LRMDA: variants seen among roughly 807,000 people sequenced by gnomAD.
The protein encoded by LRMDA is leucine rich melanocyte differentiation associated, also known as leucine-rich melanocyte differentiation-associated protein.
A neutral mutation model predicts 29.8 loss-of-function variants in LRMDA; 18 were observed. The ratio of observed to expected loss-of-function variants is 0.60; its 90% CI spans 0.42 to 0.90. LRMDA has a LOEUF of 0.90. Ranked by LOEUF, LRMDA falls within the 40% of genes least tolerant of loss-of-function variation. LRMDA has a pLI of 0.00. For synonymous variants in LRMDA, 125 were observed against 109.4 expected (o/e 1.14, Z -0.89); for missense variants, 273 against 273.9 (o/e 1.00, Z 0.02).
At chr10:75,822,105 C>T (rs939565551) in intron 2 of LRMDA, among the ~76,000 whole-genome samples, 7 of 152,020 alleles carry the variant, frequency 4.6e-5, no homozygotes, top group African/African-American at 1.4e-4. Flanking sequence ...GAAAAGACTC[C>T]TAGACTTCAG....
chr10:76,025,448 T>C (rs1313926324), intron 2 of LRMDA, among the ~76,000 whole-genome samples: 3 of 151,782 alleles, frequency 2.0e-5, no homozygotes, highest in African/African-American at 7.3e-5. Context: ...TCCATGCTGC[T>C]TACTGATACG....
intron 5 of LRMDA, among the ~76,000 whole-genome samples, chr10:76,168,190 T>A (rs1359377275): frequency 6.6e-6 from 1 of 152,216 alleles, no homozygotes; most frequent in African/African-American, 2.4e-5. Flanking sequence ...TTTTGCTGAC[T>A]TGTTAGCCAC....
At chr10:75,685,807 G>A (rs895806781) in intron 2 of LRMDA, among the ~76,000 whole-genome samples, 3 of 152,070 alleles carry the variant, frequency 2.0e-5, no homozygotes, top group South Asian at 4.1e-4. Flanking sequence ...TATGGGATAT[G>A]GAAAACAAAG....
At chr10:75,654,452 A>C (rs1841641705) in intron 2 of LRMDA, among the ~76,000 whole-genome samples, 1 of 152,206 alleles carries the variant, frequency 6.6e-6, no homozygotes, top group Non-Finnish European at 1.5e-5. Flanking sequence ...TACAAATGGG[A>C]GGATGGAGGC....
chr10:75,442,990 G>C, intron 2 of LRMDA, among the ~76,000 whole-genome samples: 1 of 151,888 alleles, frequency 6.6e-6, no homozygotes, highest in Non-Finnish European at 1.5e-5. Context: ...TATTGTAAAT[G>C]GGATTAAGTT....
At chr10:75,976,742 A>T (rs1847078397) in intron 2 of LRMDA, among the ~76,000 whole-genome samples, 1 of 152,218 alleles carries the variant, frequency 6.6e-6, no homozygotes, top group East Asian at 1.9e-4. Context: ...ACTGATGAGG[A>T]AACTGAGGTA....
chr10:76,248,056 G>A (rs1852407521), intron 5 of LRMDA, among the ~76,000 whole-genome samples: 1 of 152,128 alleles, frequency 6.6e-6, no homozygotes, highest in Non-Finnish European at 1.5e-5. Context: ...ATTGGAAAAC[G>A]TGTGGCCTGC....
chr10:75,746,993 C>T (rs949751310), intron 2 of LRMDA, among the ~76,000 whole-genome samples: 3 of 151,934 alleles, frequency 2.0e-5, no homozygotes, highest in East Asian at 1.9e-4. Flanking sequence ...ATGATTTAAC[C>T]GTGGTTCTGA....
intron 5 of LRMDA, among the ~76,000 whole-genome samples, chr10:76,153,050 A>G (rs914588201): frequency 7.9e-5 from 12 of 152,076 alleles, no homozygotes; most frequent in African/African-American, 2.2e-4. Flanking sequence ...CATGTTGGTC[A>G]TGCTGGTCTC....
intron 2 of LRMDA, among the ~76,000 whole-genome samples, chr10:75,775,592 G>T (rs1365190277): frequency 6.6e-6 from 1 of 152,150 alleles, no homozygotes; most frequent in African/African-American, 2.4e-5. Context: ...TGGTCCAGTG[G>T]TCCCCCGAAC....
intron 5 of LRMDA, among the ~76,000 whole-genome samples, chr10:76,213,753 T>A (rs1851676128): frequency 6.6e-6 from 1 of 152,216 alleles, no homozygotes; most frequent in African/African-American, 2.4e-5. Flanking sequence ...CTCCAGGAGG[T>A]TGCCAAGAAA....
chr10:76,090,539 A>G (rs1303551366), intron 5 of LRMDA, among the ~76,000 whole-genome samples: 1 of 152,206 alleles, frequency 6.6e-6, no homozygotes, highest in Non-Finnish European at 1.5e-5. Flanking sequence ...TGTATACCCC[A>G]AAGAGTTGAA....
In LRMDA at chr10:75,806,809, C is replaced by CAAA. The variant is rs56657815; in HGVS notation, c.132-229183_132-229181dup. Among the ~76,000 whole-genome samples, 464 of 77,274 alleles carry CAAA rather than the reference C, an allele frequency of 6.0e-3. 4 individuals carry two copies. The highest frequency in any genetic ancestry group is 0.015 in the African/African-American group (399 of 25,894). 50.7% of individuals were successfully genotyped at this position (77,274 alleles called of 152,430 possible). ...GATTTATTTTAAACACTGGAAATTG[C>CAAA]AAAAAAAAAAAAAAAAAACCACACA... is the stretch of plus-strand genomic sequence containing the variant. On this transcript the variant is annotated intron_variant, in intron 2 of 6. Transcript: ENST00000611255.
chr10:75,650,722 A>C (rs1374993461), intron 2 of LRMDA, among the ~76,000 whole-genome samples: 2 of 152,148 alleles, frequency 1.3e-5, no homozygotes, highest in African/African-American at 4.8e-5. Flanking sequence ...AAAGGGAGGG[A>C]GGGCCCTTTT....
intron 5 of LRMDA, among the ~76,000 whole-genome samples, chr10:76,168,487 A>T (rs909255259): frequency 1.3e-5 from 2 of 152,180 alleles, no homozygotes; most frequent in African/African-American, 4.8e-5. Flanking sequence ...GTTTTGAACA[A>T]CTTTGCTCAA....
intron 2 of LRMDA, among the ~76,000 whole-genome samples, chr10:75,476,018 T>C (rs2132049349): frequency 6.6e-6 from 1 of 152,290 alleles, no homozygotes; most frequent in Non-Finnish European, 1.5e-5. Flanking sequence ...CTTTCACAAT[T>C]TGCAAACATT....
At chr10:75,479,110 T>G (rs1166519045) in intron 2 of LRMDA, among the ~76,000 whole-genome samples, 1 of 152,214 alleles carries the variant, frequency 6.6e-6, no homozygotes, top group South Asian at 2.1e-4. Flanking sequence ...TGTTCCTGCC[T>G]TCACAGAGCT....
chr10:75,565,936 A>G (rs757698406), intron 2 of LRMDA, among the ~76,000 whole-genome samples: 1 of 152,098 alleles, frequency 6.6e-6, no homozygotes, highest in Non-Finnish European at 1.5e-5. Context: ...TTAGCTGGGT[A>G]TGGTTGTATG....
At chr10:75,587,268 T>A (rs1277192968) in intron 2 of LRMDA, among the ~76,000 whole-genome samples, 1 of 152,208 alleles carries the variant, frequency 6.6e-6, no homozygotes, top group Non-Finnish European at 1.5e-5. Context: ...TCATAGTAGC[T>A]TTTGGTAGTG....
Sources: allele counts gnomAD v4.1 joint callset (sites outside exome capture counted in the v4.1 genomes callset), GRCh38; gene constraint gnomAD v4.1.1; transcripts MANE v1.5; gene names NCBI Gene and HGNC (gene_info 2026-07-23, HGNC 2026-07-21).